The following WDR48 variants were observed in gnomAD, a reference collection of about 807,000 sequenced individuals.
WDR48 encodes the protein WD repeat domain 48.
WDR48 carries 22 observed loss-of-function variants against 94.0 expected under a neutral mutation model. The ratio of observed to expected loss-of-function variants is 0.23; its 90% confidence interval spans 0.17 to 0.33. The LOEUF is 0.33. Among genes scored for constraint, WDR48 ranks in the 10% least tolerant of loss-of-function variants. The pLI is 1.00. For missense variants in WDR48, 541 were observed against 813.8 expected, an observed-to-expected ratio of 0.66 and a Z score of 4.08; for synonymous variants, 278 against 280.5, an observed-to-expected ratio of 0.99 and a Z score of 0.09.
At chr3:39,080,977 C>T (rs1461817531) in intron 11 of WDR48, among the ~76,000 whole-genome samples, 2 of 152,204 alleles carry the variant, frequency 1.3e-5, no homozygotes, top group South Asian at 2.1e-4. Context: ...CTGCAGGACC[C>T]AAAGTTGGCC....
chr3:39,075,190 CTTTTTTTTT>C (rs11353487), intron 8 of WDR48, among the ~76,000 whole-genome samples: 3 of 110,490 alleles, frequency 2.7e-5, no homozygotes, highest in African/African-American at 6.7e-5. Context: ...TTGTGTTTTG[CTTTTTTTTT>C]TTTTTTTTTT....
At position 39,063,732 on chromosome 3, in the gene WDR48, C is replaced by T. The variant is rs375102496; in HGVS notation, c.189+542C>T. Among the ~76,000 whole-genome samples, 54 of 151,836 alleles carry T rather than the reference C, an allele frequency of 3.6e-4. No homozygotes were observed. In the East Asian group the frequency reaches 5.6e-3, roughly 16 times the overall value. On this transcript the variant is annotated intron_variant, in intron 2 of 18. Coordinates refer to ENST00000302313, the MANE Select transcript of WDR48 (RefSeq NM_020839.4). ...CCAAAGTGAAAGGATTCCTTGAGTC[C>T]AGGAGTTCGAGACCAGCCTGGGCAA...
chr3:39,065,163 T>G (rs2033526592), intron 2 of WDR48, among the ~76,000 whole-genome samples: 1 of 152,210 alleles, frequency 6.6e-6, no homozygotes, highest in Non-Finnish European at 1.5e-5. Context: ...AGGCCTCTCC[T>G]GGTTATTAAG....
At chr3:39,083,845 C>G (rs2034658132) in intron 11 of WDR48, among the ~76,000 whole-genome samples, 1 of 152,152 alleles carries the variant, frequency 6.6e-6, no homozygotes. Flanking sequence ...AGCAGTCCCC[C>G]TTTGAGAAGA....
chr3:39,067,011 T>A, intron 5 of WDR48, 136 bp downstream of exon 5: 16 of 1,060,688 alleles, frequency 1.5e-5, no homozygotes, highest in Non-Finnish European at 2.2e-5. Flanking sequence ...TACAGCGTTC[T>A]GGCCCCCAAG....
chr3:39,075,756 C>G (rs539243390), intron 8 of WDR48, among the ~76,000 whole-genome samples: 1 of 151,356 alleles, frequency 6.6e-6, no homozygotes, highest in African/African-American at 2.4e-5. Context: ...TGCAGTGATG[C>G]GATCTCGGCT....
chr3:39,077,683 A>G (rs1026587480), intron 9 of WDR48, among the ~76,000 whole-genome samples: 6 of 152,264 alleles, frequency 3.9e-5, no homozygotes, highest in African/African-American at 1.4e-4. Context: ...AACAGAAGTC[A>G]TCCAAAGTGC....
chr3:39,054,874 G>A (rs1189103592), intron 1 of WDR48, among the ~76,000 whole-genome samples: 2 of 152,186 alleles, frequency 1.3e-5, no homozygotes, highest in African/African-American at 4.8e-5. Context: ...TTCCACAAAG[G>A]AAATATGCAT....
chr3:39,065,424 A>C (rs936207058), intron 2 of WDR48, among the ~76,000 whole-genome samples: 4 of 152,076 alleles, frequency 2.6e-5, no homozygotes, highest in African/African-American at 9.7e-5. Flanking sequence ...TTGAGCCTTC[A>C]CCACCACTCA....
chr3:39,071,509 A>G (rs1044456187), intron 7 of WDR48, among the ~76,000 whole-genome samples: 2 of 152,182 alleles, frequency 1.3e-5, no homozygotes, highest in Non-Finnish European at 2.9e-5. Flanking sequence ...CTAAAGCTCT[A>G]CCTGTCTGCT....
intron 6 of WDR48, 84 bp from the exon 7 acceptor site, chr3:39,069,559 A>G (rs2033809057): frequency 2.5e-6 from 3 of 1,197,228 alleles, no homozygotes; most frequent in Non-Finnish European, 1.2e-6. Context: ...TATAATGGTT[A>G]TCATTTGACT....
chr3:39,066,477 T>G, intron 3 of WDR48, 71 bp from the exon 4 acceptor site: 9 of 1,256,988 alleles, frequency 7.2e-6, no homozygotes, highest in Non-Finnish European at 1.0e-5. Context: ...AATGTTACAT[T>G]GTTGTAAGAT....
intron 11 of WDR48, among the ~76,000 whole-genome samples, chr3:39,082,872 T>A (rs2034610322): frequency 6.6e-6 from 1 of 152,146 alleles, no homozygotes. Context: ...CAGTTTGATG[T>A]CATAGGAAAT....
intron 7 of WDR48, among the ~76,000 whole-genome samples, chr3:39,071,829 T>G (rs891618780): frequency 6.6e-6 from 1 of 152,076 alleles, no homozygotes; most frequent in African/African-American, 2.4e-5. Flanking sequence ...CTATAATAAC[T>G]GCTTATTTGG....
In WDR48 at chr3:39,084,645, A is replaced by G. The variant is rs746476762; in HGVS notation, c.1282A>G (p.Met428Val). Reference sequence around the variant, plus strand: ...GCCACTAAGTTTTTTCTTTTGATAGATGTTAACTATTACTTTGGATGAAAG... The same window carrying G: ...GCCACTAAGTTTTTTCTTTTGATAGGTGTTAACTATTACTTTGGATGAAAG... ...NWFSVDLKTG[M>V]LTITLDESDC... The change falls in exon 13 of 19, where the codon ATG (methionine) becomes GTG (valine). Residue 428 changes from methionine (M) to valine (V), a missense_variant and splice_region_variant. This residue lies in a region of WDR48 where 238 missense variants were observed against 285.3 expected (regional missense o/e 0.83). Transcript: ENST00000302313. 2.5e-6 allele frequency: 4 copies of G among 1,613,010 alleles called. No homozygotes were observed. Among genetic ancestry groups the G allele is most frequent in the Non-Finnish European group, 3.4e-6 (4 of 1,179,658 alleles).
chr3:39,092,747 T>A (rs1162695023), intron 17 of WDR48, among the ~76,000 whole-genome samples: 3 of 152,004 alleles, frequency 2.0e-5, no homozygotes, highest in African/African-American at 7.3e-5. Context: ...TTACAGAGAT[T>A]TCCAAACTTA....
intron 8 of WDR48, among the ~76,000 whole-genome samples, chr3:39,076,134 T>A (rs190554379): frequency 6.6e-6 from 1 of 152,144 alleles, no homozygotes; most frequent in African/African-American, 2.4e-5. Context: ...AACCTCAGAC[T>A]GTTGTGTAGG....
chr3:39,066,039 A>G, intron 3 of WDR48, 150 bp downstream of exon 3: 1 of 602,790 alleles, frequency 1.7e-6, no homozygotes. Context: ...CAAATCAAGA[A>G]ACAATATTAC....
chr3:39,069,801 T>G (rs2033826135), intron 7 of WDR48, 57 bp downstream of exon 7: 1 of 1,439,390 alleles, frequency 6.9e-7, no homozygotes, highest in Non-Finnish European at 9.6e-7. Flanking sequence ...TTCCGCACTT[T>G]GTATACTATT....
Sources: gnomAD v4.1 joint callset for allele counts (sites outside exome capture counted in the v4.1 genomes callset) on GRCh38, gnomAD v4.1.1 for gene constraint, gnomAD v4.1.1 regional missense constraint, MANE v1.5 for transcripts, NCBI Gene and HGNC (gene_info 2026-07-23, HGNC 2026-07-21) for gene names.